Variants in SYNPR observed in about 807,000 individuals in gnomAD.
The protein encoded by SYNPR is synaptoporin.
SYNPR carries 23 observed loss-of-function variants against 32.9 expected under a neutral mutation model. The ratio of observed to expected loss-of-function variants is 0.70; its 90% CI spans 0.50 to 0.99. The LOEUF is 0.99. Ranked by LOEUF, SYNPR falls within the 50% of genes least tolerant of loss-of-function variation. SYNPR has a pLI of 0.00. For synonymous variants in SYNPR, 146 were observed against 135.9 expected, an observed-to-expected ratio of 1.07 and a Z score of -0.52; for missense variants, 318 against 349.3, an observed-to-expected ratio of 0.91 and a Z score of 0.71.
chr3:63,537,990 C>G (rs181318265), intron 3 of SYNPR, among the ~76,000 whole-genome samples: 417 of 152,184 alleles, frequency 2.7e-3, no homozygotes, highest in African/African-American at 9.8e-3. Flanking sequence ...GAATCTATTG[C>G]CATAGGACAT....
chr3:63,304,460 G>A (rs1523441), intron 2 of SYNPR, among the ~76,000 whole-genome samples: 128,598 of 151,686 alleles, frequency 0.85, 55,123 homozygotes, highest in African/African-American at 0.93. Flanking sequence ...GAGCAAAAGA[G>A]AGACCAGGCC....
At chr3:63,487,856 C>A (rs748032279) in intron 3 of SYNPR, among the ~76,000 whole-genome samples, 9 of 152,166 alleles carry the variant, frequency 5.9e-5, no homozygotes, top group Non-Finnish European at 1.0e-4. Context: ...TCTTTGTAAT[C>A]TGTGAAATTC....
In SYNPR at chr3:63,256,107, G is replaced by T. The variant is rs533199738; in HGVS notation, n.154+3521G>T. On this transcript the variant is annotated intron_variant and non_coding_transcript_variant, in intron 2 of 4. Coordinates refer to the SYNPR transcript ENST00000478456. ...TGGGTGGAGCCCACCGCAGCTCAAGGAAGCCTGCCTGCCTCTGTAGGCTCC... is the reference window on the plus strand; with the variant it reads ...TGGGTGGAGCCCACCGCAGCTCAAGTAAGCCTGCCTGCCTCTGTAGGCTCC... Among the ~76,000 whole-genome samples the T allele has an allele frequency of 8.8e-3, 1,341 of 152,344 alleles. 20 individuals carry two copies. The highest frequency in any genetic ancestry group is 0.025 in the African/African-American group (1,045 of 41,582).
intron 2 of SYNPR, among the ~76,000 whole-genome samples, chr3:63,307,913 G>C (rs930901573): frequency 5.3e-5 from 8 of 151,932 alleles, no homozygotes; most frequent in Non-Finnish European, 2.9e-5. Context: ...TCAGACTTGA[G>C]AAGAACATAG....
chr3:63,229,264 T>C (rs2086150863), intron 1 of SYNPR, among the ~76,000 whole-genome samples: 2 of 152,210 alleles, frequency 1.3e-5, no homozygotes, highest in South Asian at 4.2e-4. Flanking sequence ...GCATCTGATG[T>C]ACACACACAT....
At chr3:63,367,413 G>A (rs1266756404) in intron 2 of SYNPR, among the ~76,000 whole-genome samples, 6 of 151,946 alleles carry the variant, frequency 3.9e-5, no homozygotes, top group African/African-American at 1.4e-4. Context: ...AGGCTGGAGT[G>A]CAGTCCTGCG....
intron 2 of SYNPR, among the ~76,000 whole-genome samples, chr3:63,449,321 A>G (rs1331240137): frequency 6.6e-6 from 1 of 152,132 alleles, no homozygotes; most frequent in African/African-American, 2.4e-5. Context: ...ACTAGATGCT[A>G]GGGCACAGAA....
At chr3:63,507,487 G>C (rs1701611905) in intron 3 of SYNPR, among the ~76,000 whole-genome samples, 1 of 152,180 alleles carries the variant, frequency 6.6e-6, no homozygotes, top group Non-Finnish European at 1.5e-5. Flanking sequence ...TCTGTGAAGT[G>C]TTTATCAGAA....
rs1169026048 is a variant in SYNPR at position 63,476,188 on chromosome 3, G to C, written c.85-4644G>C. On this transcript the variant is annotated intron_variant, in intron 2 of 5. Coordinates refer to ENST00000478300, the MANE Select transcript of SYNPR (RefSeq NM_001130003.2). The stretch of plus-strand genomic sequence containing the variant: ...GAGGGAGGGAGGGAAGGAAGGGAAG[G>C]GAGGGAAGCAAGGGAAGGAAGGAAG... 1.4e-3 allele frequency among the ~76,000 whole-genome samples: 67 copies of C among 48,704 alleles called. 5 individuals carry two copies. The highest frequency in any genetic ancestry group is 2.5e-3 in the African/African-American group (32 of 12,868). 32.0% of individuals were successfully genotyped at this position (48,704 alleles called of 152,430 possible).
rs144913321 is a variant in SYNPR at position 63,596,124 on chromosome 3, T to G, written c.409-13001T>G. On this transcript the variant is annotated intron_variant, in intron 4 of 5. Transcript: ENST00000478300. Reference sequence around the variant, plus strand: ...CTCGTCATTTAGCATTAGGTATATCTCCCTCCTTTGGAGGAAAGAGGGAGC... The same window carrying G: ...CTCGTCATTTAGCATTAGGTATATCGCCCTCCTTTGGAGGAAAGAGGGAGC... Among the ~76,000 whole-genome samples the G allele has an allele frequency of 2.7e-3, 411 of 150,682 alleles. 10 individuals carry two copies. The East Asian group carries it at 0.058, about 21-fold the overall frequency.
At chr3:63,413,868 C>A (rs973500877) in intron 2 of SYNPR, among the ~76,000 whole-genome samples, 33 of 151,352 alleles carry the variant, frequency 2.2e-4, no homozygotes, top group Non-Finnish European at 3.4e-4. Flanking sequence ...TGAACATTAT[C>A]AAAAAAAATG....
At chr3:63,405,218 A>G (rs1271304729) in intron 2 of SYNPR, among the ~76,000 whole-genome samples, 1 of 152,166 alleles carries the variant, frequency 6.6e-6, no homozygotes, top group Non-Finnish European at 1.5e-5. Flanking sequence ...GTAGCTGTCT[A>G]TGGAAAGGGG....
chr3:63,297,750 T>C (rs1407841326), intron 2 of SYNPR, among the ~76,000 whole-genome samples: 1 of 152,012 alleles, frequency 6.6e-6, no homozygotes, highest in African/African-American at 2.4e-5. Flanking sequence ...GGCTAGGGAA[T>C]GGGTGCTGCT....
upstream of SYNPR, among the ~76,000 whole-genome samples, chr3:63,273,639 G>A (rs1439353642): frequency 6.6e-6 from 1 of 152,062 alleles, no homozygotes; most frequent in Non-Finnish European, 1.5e-5. Context: ...AACAGAAATA[G>A]TAAAAGCATT....
At chr3:63,518,444 A>C (rs1248191972) in intron 3 of SYNPR, among the ~76,000 whole-genome samples, 1 of 152,130 alleles carries the variant, frequency 6.6e-6, no homozygotes, top group Admixed American at 6.5e-5. Context: ...AGCAAGAAAG[A>C]GAAGGTACTA....
At chr3:63,294,045 T>G (rs2086769609) in intron 2 of SYNPR, among the ~76,000 whole-genome samples, 1 of 152,218 alleles carries the variant, frequency 6.6e-6, no homozygotes, top group African/African-American at 2.4e-5. Flanking sequence ...GAATTGTTTT[T>G]CTATGCCATT....
intron 2 of SYNPR, among the ~76,000 whole-genome samples, chr3:63,258,639 C>T (rs1416770739): frequency 6.6e-6 from 1 of 151,988 alleles, no homozygotes; most frequent in African/African-American, 2.4e-5. Flanking sequence ...AAAATTGACA[C>T]CCTAACATCA....
chr3:63,364,640 T>C (rs915906531), intron 2 of SYNPR, among the ~76,000 whole-genome samples: 1 of 152,226 alleles, frequency 6.6e-6, no homozygotes, highest in Admixed American at 6.5e-5. Flanking sequence ...TAAAATCAAC[T>C]GGAGTGTTGA....
intron 2 of SYNPR, among the ~76,000 whole-genome samples, chr3:63,425,939 C>T (rs748123770): frequency 2.0e-5 from 3 of 152,118 alleles, no homozygotes; most frequent in African/African-American, 4.8e-5. Context: ...TGCGCCACCA[C>T]GCCCAGCTAA....
Sources: gnomAD v4.1 joint callset for allele counts (sites outside exome capture counted in the v4.1 genomes callset) on GRCh38, gnomAD v4.1.1 for gene constraint, MANE v1.5 for transcripts, NCBI Gene and HGNC (gene_info 2026-07-23, HGNC 2026-07-21) for gene names.